Variants in TNPO3 observed in about 807,000 individuals in gnomAD.
TNPO3 encodes transportin-3.
In TNPO3, 65 loss-of-function variants were observed where a neutral mutation model predicts 122.8. The ratio of observed to expected loss-of-function variants is 0.53; its 90% CI spans 0.43 to 0.65. TNPO3 has a LOEUF of 0.65. Among genes scored for constraint, TNPO3 ranks in the 30% least tolerant of loss-of-function variants. TNPO3 has a pLI of 0.00. For missense variants in TNPO3, 850 were observed against 1,136.7 expected (o/e 0.75, Z 3.63); for synonymous variants, 372 against 411.2 (o/e 0.90, Z 1.15).
rs1012607485 is a variant in TNPO3 at position 128,955,389 on chromosome 7, A to G, written c.*32-4T>C. 2.2e-6 allele frequency: 1 copy of G among 455,906 alleles called. No homozygotes were observed. Among genetic ancestry groups the G allele is most frequent in the East Asian group, 7.0e-5 (1 of 14,310 alleles). 28.2% of individuals were successfully genotyped at this position (455,906 alleles called of 1,614,324 possible). A position where few individuals can be genotyped will look rare whatever the true frequency, so the allele number is the denominator to read the frequency against. ...CTTCTAATTAAAAAAGACATTCCTG[A>G]CAAAAGAGATAAGACAGTCAATAAC... On this transcript the variant is annotated splice_polypyrimidine_tract_variant and splice_region_variant and intron_variant, in intron 22 of 22. Transcript: ENST00000265388.
intron 1 of TNPO3, among the ~76,000 whole-genome samples, chr7:129,039,602 T>C (rs1807120266): frequency 6.6e-6 from 1 of 152,060 alleles, no homozygotes; most frequent in Non-Finnish European, 1.5e-5. Flanking sequence ...ATCCAAAAAT[T>C]TCAACAGCAC....
At chr7:128,958,946 G>A (rs142599969) in intron 21 of TNPO3, among the ~76,000 whole-genome samples, 2 of 152,186 alleles carry the variant, frequency 1.3e-5, no homozygotes, top group African/African-American at 4.8e-5. Context: ...TGAGGTTGCA[G>A]TGAGCCATGA....
chr7:128,994,307 G>A (rs1295657692), intron 8 of TNPO3, among the ~76,000 whole-genome samples: 7 of 152,074 alleles, frequency 4.6e-5, no homozygotes, highest in Middle Eastern at 6.8e-3. Flanking sequence ...ACAGACACAC[G>A]CCACCACACC....
Position 128,997,472 on chromosome 7 carries a change from C to T in TNPO3, c.1075G>A (p.Glu359Lys). 6.2e-7 allele frequency: 1 copy of T among 1,614,080 alleles called. No individual in the cohort carries two copies. Residue 359 changes from glutamate to lysine, a missense_variant, in exon 8 of 23, where the codon GAA becomes AAA. By Grantham distance (56) the Glu-to-Lys change is moderately conservative (BLOSUM62 1). Transcript: ENST00000265388. ...LGEHLYKTND[E>K]VIHGIFKAYI... The stretch of plus-strand genomic sequence containing the variant: ...GCTTTGAAGATGCCATGAATAACTT[C>T]ATCGTTAGTTTTGTACAAATGTTCC...
At chr7:128,977,746 GC>G (rs1799218327) in intron 16 of TNPO3, among the ~76,000 whole-genome samples, 2 of 152,158 alleles carry the variant, frequency 1.3e-5, no homozygotes, top group South Asian at 4.2e-4. Flanking sequence ...ACAGGCGCCT[GC>G]CACTGCGCCT....
intron 3 of TNPO3, among the ~76,000 whole-genome samples, chr7:129,016,282 C>T (rs1406109439): frequency 1.3e-5 from 2 of 151,882 alleles, no homozygotes; most frequent in African/African-American, 2.4e-5. Context: ...TAATCTCAGC[C>T]GCCTGGGAGG....
At chr7:129,017,565 G>A (rs762605302) in intron 2 of TNPO3, among the ~76,000 whole-genome samples, 3 of 152,152 alleles carry the variant, frequency 2.0e-5, no homozygotes, top group Non-Finnish European at 4.4e-5. Flanking sequence ...ACTCACAGAA[G>A]TTTCCAGTTT....
intron 1 of TNPO3, among the ~76,000 whole-genome samples, chr7:129,054,224 A>G (rs991881370): frequency 3.3e-5 from 5 of 152,188 alleles, no homozygotes; most frequent in Admixed American, 2.6e-4. Flanking sequence ...TAAGGCTACG[A>G]CTGGGAGCAA....
intron 1 of TNPO3, among the ~76,000 whole-genome samples, chr7:129,033,418 C>CA (rs1806178052): frequency 6.6e-6 from 1 of 151,822 alleles, no homozygotes; most frequent in African/African-American, 2.4e-5. Context: ...GACCACTATC[C>CA]AAAAAAACGA....
At chr7:129,004,080 T>C (rs1584566527) in intron 5 of TNPO3, among the ~76,000 whole-genome samples, 1 of 152,196 alleles carries the variant, frequency 6.6e-6, no homozygotes, top group South Asian at 2.1e-4. Context: ...AAACAATGAT[T>C]GGCATCCTAA....
chr7:129,005,186 A>T (rs768763449), intron 4 of TNPO3, 27 bp from the exon 5 acceptor site: 1 of 1,585,268 alleles, frequency 6.3e-7, no homozygotes, highest in Non-Finnish European at 8.6e-7. Context: ...ACTTAAAATG[A>T]ATAATGTTAA....
intron 11 of TNPO3, 35 bp from the exon 12 acceptor site, chr7:128,986,955 G>A (rs1800224832): frequency 1.3e-6 from 2 of 1,540,544 alleles, no homozygotes; most frequent in Non-Finnish European, 1.7e-6. Context: ...TTACATATCT[G>A]AAACTAAAGG....
chr7:129,006,710 T>C (rs1281222167), intron 4 of TNPO3, among the ~76,000 whole-genome samples: 1 of 152,218 alleles, frequency 6.6e-6, no homozygotes, highest in Non-Finnish European at 1.5e-5. Flanking sequence ...AGATATAAAC[T>C]ACACAGGAAA....
At chr7:129,043,537 T>C (rs1807661348) in intron 1 of TNPO3, among the ~76,000 whole-genome samples, 1 of 152,224 alleles carries the variant, frequency 6.6e-6, no homozygotes, top group Non-Finnish European at 1.5e-5. Context: ...AATAATCCTA[T>C]ATCATAATGA....
chr7:129,016,823 AT>A (rs1193337565), intron 3 of TNPO3, among the ~76,000 whole-genome samples, 159 bp downstream of exon 3: 1 of 152,246 alleles, frequency 6.6e-6, no homozygotes, highest in Non-Finnish European at 1.5e-5. Flanking sequence ...AGTATTTAAA[AT>A]TTTAGATAAG....
In TNPO3 at chr7:129,041,450, A is replaced by G. The variant is rs1807371436; in HGVS notation, c.120+13201T>C. The G allele has an allele frequency of 4.5e-6, 3 of 663,630 alleles. No homozygotes were observed. In the South Asian group the frequency reaches 2.0e-4, roughly 44 times the overall value. The allele number at this position is 663,630 out of a possible 1,614,324, so 41.1% of individuals were successfully genotyped here. ...CCTGATACCCTACAAACTACAGTAC[A>G]TTGCTCATTGTTCTTCCCCTCTGCT... On this transcript the variant is annotated intron_variant, in intron 1 of 22. Transcript: ENST00000265388.
intron 1 of TNPO3, among the ~76,000 whole-genome samples, chr7:129,050,148 C>T (rs958800921): frequency 2.6e-5 from 4 of 151,450 alleles, no homozygotes; most frequent in African/African-American, 9.7e-5. Context: ...CTTTGGGAGG[C>T]CAAGGTGGGC....
At chr7:129,047,103 T>C (rs1039981602) in intron 1 of TNPO3, among the ~76,000 whole-genome samples, 1 of 152,244 alleles carries the variant, frequency 6.6e-6, no homozygotes, top group Non-Finnish European at 1.5e-5. Flanking sequence ...CTTTACTTCA[T>C]CTGCTTTGTG....
chr7:129,025,387 A>AAAAAAAAAAAAAAAAAAAAAC (rs1805015876), intron 1 of TNPO3, among the ~76,000 whole-genome samples: 1 of 126,908 alleles, frequency 7.9e-6, no homozygotes, highest in African/African-American at 2.9e-5. Flanking sequence ...AAAAAAAAAA[A>AAAAAAAAAAAAAAAAAAAAAC]AAAAAAAAAA....
Sources: gnomAD v4.1 joint callset for allele counts (sites outside exome capture counted in the v4.1 genomes callset) on GRCh38, gnomAD v4.1.1 for gene constraint, MANE v1.5 for transcripts, NCBI Gene and HGNC (gene_info 2026-07-23, HGNC 2026-07-21) for gene names.